TSHZ2: variants seen among roughly 807,000 people sequenced by gnomAD.
The protein encoded by TSHZ2 is teashirt zinc finger homeobox 2.
In TSHZ2, 21 loss-of-function variants were observed where a neutral mutation model predicts 74.4. The ratio of observed to expected loss-of-function variants is 0.28; its 90% CI spans 0.20 to 0.41. TSHZ2 has a LOEUF of 0.41. Ranked by LOEUF, TSHZ2 falls within the 10% of genes least tolerant of loss-of-function variation. The probability of loss-of-function intolerance (pLI) is 1.00; values close to 1 mark genes in which losing one functional copy is unlikely to be tolerated. For synonymous variants in TSHZ2, 540 were observed against 515.3 expected (o/e 1.05, Z -0.65); for missense variants, 1,244 against 1,293.5 (o/e 0.96, Z 0.59).
chr20:53,143,696 A>C (rs1987468087), intron 1 of TSHZ2, among the ~76,000 whole-genome samples: 1 of 151,356 alleles, frequency 6.6e-6, no homozygotes. Context: ...CGTCTCAAAA[A>C]AATAAATAAA....
chr20:53,349,332 T>C (rs544343012), intron 2 of TSHZ2, among the ~76,000 whole-genome samples: 57 of 152,350 alleles, frequency 3.7e-4, no homozygotes, highest in African/African-American at 1.4e-3. Flanking sequence ...GCTCTTCTTA[T>C]AAGATATGTG....
At chr20:53,163,319 G>A (rs761218344) in intron 1 of TSHZ2, among the ~76,000 whole-genome samples, 1 of 137,610 alleles carries the variant, frequency 7.3e-6, no homozygotes, top group South Asian at 2.6e-4. Flanking sequence ...GTTATAAAAA[G>A]ATGGTGGCTT....
chr20:53,039,393 C>T (rs1236662346), intron 1 of TSHZ2, among the ~76,000 whole-genome samples: 17 of 152,196 alleles, frequency 1.1e-4, no homozygotes, highest in Admixed American at 1.1e-3. Context: ...TCTCTCGATG[C>T]TGTTGTATTC....
At chr20:53,161,898 A>G (rs1292208240) in intron 1 of TSHZ2, among the ~76,000 whole-genome samples, 1 of 152,244 alleles carries the variant, frequency 6.6e-6, no homozygotes, top group African/African-American at 2.4e-5. Context: ...GGCACTGTAT[A>G]TCCACCTTAG....
At chr20:53,431,996 A>G (rs1311113524) in intron 2 of TSHZ2, among the ~76,000 whole-genome samples, 1 of 152,182 alleles carries the variant, frequency 6.6e-6, no homozygotes, top group Non-Finnish European at 1.5e-5. Context: ...TTTTTTATTT[A>G]AATAGCTTTA....
chr20:53,213,507 A>G (rs1055577084), intron 1 of TSHZ2, among the ~76,000 whole-genome samples: 4 of 152,184 alleles, frequency 2.6e-5, no homozygotes, highest in African/African-American at 9.7e-5. Flanking sequence ...TTAATTAATC[A>G]GTCAACAAGA....
At position 53,255,327 on chromosome 20, in the gene TSHZ2, C is replaced by T; in HGVS notation, c.1869C>T (p.Ala623=). Residue 623 remains alanine (A), a synonymous_variant, in exon 2 of 3, where the codon GCC becomes GCT. Coordinates refer to ENST00000371497, the MANE Select transcript of TSHZ2 (RefSeq NM_173485.6). This position sits in a 1 kb window ranked among gnomAD's most constrained non-coding sequence, Gnocchi z 4.1. ...ECGKESPHEE[A]SSFSHSEGDS... is the part of the protein sequence containing the mutation. ...GGAAAGAAAGTCCCCACGAAGAGGCCTCATCTTTCAGCCACAGTGAGGGCG... is the reference window on the plus strand; with the variant it reads ...GGAAAGAAAGTCCCCACGAAGAGGCTTCATCTTTCAGCCACAGTGAGGGCG... The T allele has an allele frequency of 6.2e-7, 1 of 1,614,012 alleles. No individual in the cohort carries two copies. Among genetic ancestry groups the T allele is most frequent in the Non-Finnish European group, 8.5e-7 (1 of 1,179,974 alleles).
At chr20:53,473,295 C>T (rs1340736744) in intron 2 of TSHZ2, among the ~76,000 whole-genome samples, 5 of 143,434 alleles carry the variant, frequency 3.5e-5, no homozygotes, top group Non-Finnish European at 6.1e-5. Flanking sequence ...TCTCCCAGCA[C>T]GCAGCTGGAG....
chr20:53,378,812 G>C (rs1981754597), intron 2 of TSHZ2, among the ~76,000 whole-genome samples: 1 of 152,048 alleles, frequency 6.6e-6, no homozygotes, highest in South Asian at 2.1e-4. Context: ...AGGGAAAGAA[G>C]ATATTTACAT....
At chr20:53,113,121 A>G (rs1986578148) in intron 1 of TSHZ2, among the ~76,000 whole-genome samples, 1 of 152,246 alleles carries the variant, frequency 6.6e-6, no homozygotes, top group African/African-American at 2.4e-5. Flanking sequence ...CGGACTGCAG[A>G]AGAAGTCAGG....
chr20:52,975,610 G>C (rs1981303435), intron 1 of TSHZ2, among the ~76,000 whole-genome samples: 1 of 151,854 alleles, frequency 6.6e-6, no homozygotes, highest in African/African-American at 2.4e-5. Context: ...TGTTTGTTTT[G>C]TATGATTCTT....
intron 1 of TSHZ2, among the ~76,000 whole-genome samples, chr20:53,108,626 T>G (rs1936959): frequency 0.09 from 11,855 of 132,444 alleles, 1,072 homozygotes; most frequent in African/African-American, 0.23. Flanking sequence ...GGCTCCAATA[T>G]CCAGTAGGAT....
chr20:53,409,239 G>GT (rs553159175), intron 2 of TSHZ2, among the ~76,000 whole-genome samples: 9 of 148,716 alleles, frequency 6.1e-5, no homozygotes, highest in East Asian at 1.9e-4. Context: ...TGCTCTGTTT[G>GT]TTTTTTTTAA....
At chr20:53,199,066 G>A (rs1350971330) in intron 1 of TSHZ2, among the ~76,000 whole-genome samples, 1 of 152,140 alleles carries the variant, frequency 6.6e-6, no homozygotes, top group Non-Finnish European at 1.5e-5. Context: ...CCATCTGAGT[G>A]TTGCTGTTTT....
intron 1 of TSHZ2, among the ~76,000 whole-genome samples, chr20:53,025,063 G>T (rs1983388441): frequency 6.6e-6 from 1 of 151,894 alleles, no homozygotes; most frequent in Admixed American, 6.6e-5. Context: ...AGCAAAAAAT[G>T]TGCTTCATTA....
intron 2 of TSHZ2, among the ~76,000 whole-genome samples, chr20:53,391,529 T>C (rs1436854758): frequency 6.6e-6 from 1 of 151,774 alleles, no homozygotes; most frequent in Non-Finnish European, 1.5e-5. Flanking sequence ...ACTCTGGGGC[T>C]CAAACAATCC....
chr20:53,045,574 C>T (rs956716408), intron 1 of TSHZ2, among the ~76,000 whole-genome samples: 4 of 152,212 alleles, frequency 2.6e-5, no homozygotes, highest in African/African-American at 9.6e-5. Context: ...GATTCATTCA[C>T]CTAAGGAATC....
chr20:53,149,978 C>T (rs1018594203), intron 1 of TSHZ2, among the ~76,000 whole-genome samples: 1 of 152,160 alleles, frequency 6.6e-6, no homozygotes, highest in East Asian at 1.9e-4. Flanking sequence ...GGGAAGTGTT[C>T]CTTATTCTAC....
At chr20:53,431,358 A>T (rs1361818412) in intron 2 of TSHZ2, among the ~76,000 whole-genome samples, 1 of 151,988 alleles carries the variant, frequency 6.6e-6, no homozygotes, top group African/African-American at 2.4e-5. Flanking sequence ...CAGGAGGCAG[A>T]GGCAGGAGGA....
Sources: gnomAD v4.1 joint callset for allele counts (sites outside exome capture counted in the v4.1 genomes callset) on GRCh38, gnomAD v4.1.1 for gene constraint, Gnocchi (gnomAD v3.1) non-coding constraint, MANE v1.5 for transcripts, NCBI Gene and HGNC (gene_info 2026-07-23, HGNC 2026-07-21) for gene names.